Variants in RARB observed in about 807,000 individuals in gnomAD.
RARB encodes HBV-activated protein.
In RARB, 17 loss-of-function variants were observed where a neutral mutation model predicts 51.9. The ratio of observed to expected loss-of-function variants is 0.33; its 90% confidence interval spans 0.22 to 0.49. The LOEUF (loss-of-function observed/expected upper bound fraction) is 0.49, where lower values mean the gene tolerates loss of function less well. Ranked by LOEUF, RARB falls within the 20% of genes least tolerant of loss-of-function variation. The pLI, the probability that RARB is intolerant of heterozygous loss-of-function variation, is 0.99. For synonymous variants in RARB, 215 were observed against 195.4 expected (o/e 1.10, Z -0.84); for missense variants, 369 against 550.8 (o/e 0.67, Z 3.30).
At chr3:24,936,497 C>G (rs911234377) in intron 2 of RARB, among the ~76,000 whole-genome samples, 5 of 152,162 alleles carry the variant, frequency 3.3e-5, no homozygotes, top group African/African-American at 7.2e-5. Context: ...AGCTAACAAT[C>G]AACTCAAATG....
Position 25,407,969 on chromosome 3 carries a change from G to A in RARB, c.179-53224G>A, listed in dbSNP as rs919825342. Among the ~76,000 whole-genome samples the A allele has an allele frequency of 9.2e-5, 14 of 152,020 alleles. No homozygotes were observed. In the East Asian group the frequency reaches 9.7e-4, roughly 11 times the overall value. On this transcript the variant is annotated intron_variant, in intron 5 of 11. Coordinates refer to the RARB transcript ENST00000383772. Reference sequence around the variant, plus strand: ...GGATCGAACTCCAGTTGCCCACAGCGGTAACGTCTCAATAACACATCTTTT... The same window carrying A: ...GGATCGAACTCCAGTTGCCCACAGCAGTAACGTCTCAATAACACATCTTTT...
intron 4 of RARB, among the ~76,000 whole-genome samples, chr3:25,173,388 T>G (rs1372516013): frequency 6.6e-6 from 1 of 152,204 alleles, no homozygotes; most frequent in Non-Finnish European, 1.5e-5. Context: ...GAGATTTGAT[T>G]GGTGAATAGG....
chr3:25,423,317 T>C (rs1042003354), upstream of RARB, among the ~76,000 whole-genome samples: 1 of 152,254 alleles, frequency 6.6e-6, no homozygotes, highest in Non-Finnish European at 1.5e-5. Flanking sequence ...AACCTAAATG[T>C]CTTAACAGCT....
At chr3:25,515,075 G>C (rs7645775) in intron 3 of RARB, among the ~76,000 whole-genome samples, 8,937 of 152,270 alleles carry the variant, frequency 0.059, 277 homozygotes, top group Middle Eastern at 0.075. Context: ...TGGGGCTGAG[G>C]AAACTCTTGG....
intron 2 of RARB, among the ~76,000 whole-genome samples, chr3:24,924,714 T>G (rs1292500276): frequency 6.6e-6 from 1 of 152,148 alleles, no homozygotes; most frequent in African/African-American, 2.4e-5. Context: ...GTCTCAATCC[T>G]GTATTTTGGG....
In RARB at chr3:25,593,494, T is replaced by C. The variant is rs2125325332; in HGVS notation, c.787-9T>C. The stretch of plus-strand genomic sequence containing the variant: ...CTTAGAACATCCATCAATTTTTTTT[T>C]CCTTCCAGATTCTTAGAATTTGCAC... On this transcript the variant is annotated splice_polypyrimidine_tract_variant and intron_variant, in intron 5 of 7. Transcript: ENST00000330688. 2 of 1,611,546 alleles carry C rather than the reference T, an allele frequency of 1.2e-6. No individual in the cohort carries two copies. The highest frequency in any genetic ancestry group is 2.2e-5 in the East Asian group (1 of 44,862).
At chr3:25,061,408 A>G (rs531162580) in intron 3 of RARB, among the ~76,000 whole-genome samples, 36 of 151,992 alleles carry the variant, frequency 2.4e-4, no homozygotes, top group African/African-American at 8.7e-4. Context: ...TCTATTGGGT[A>G]AGTTCAGTTG....
At chr3:25,552,435 C>T (rs933534490) in intron 3 of RARB, among the ~76,000 whole-genome samples, 3 of 151,140 alleles carry the variant, frequency 2.0e-5, no homozygotes, top group African/African-American at 4.9e-5. Flanking sequence ...GCTGACTGTG[C>T]TTTGGTTGTT....
intron 4 of RARB, among the ~76,000 whole-genome samples, chr3:25,161,914 G>A (rs1020148387): frequency 2.0e-5 from 3 of 152,102 alleles, no homozygotes; most frequent in Non-Finnish European, 4.4e-5. Context: ...GAAAGAGGCT[G>A]CATGGTACCC....
intron 5 of RARB, among the ~76,000 whole-genome samples, chr3:25,175,243 G>C (rs1042830939): frequency 6.6e-6 from 1 of 152,134 alleles, no homozygotes; most frequent in African/African-American, 2.4e-5. Flanking sequence ...TTTTTAGAAA[G>C]TTCTGCCTGT....
chr3:25,475,775 A>C (rs866129433), intron 2 of RARB, among the ~76,000 whole-genome samples: 2 of 152,158 alleles, frequency 1.3e-5, no homozygotes, highest in Non-Finnish European at 2.9e-5. Context: ...CTGCAGTGCT[A>C]TTACTCCTGC....
chr3:25,098,580 G>A (rs2125320105), intron 3 of RARB, among the ~76,000 whole-genome samples: 1 of 152,276 alleles, frequency 6.6e-6, no homozygotes, highest in African/African-American at 2.4e-5. Flanking sequence ...ACTACGGCTG[G>A]TGGGTCAAGT....
intron 3 of RARB, among the ~76,000 whole-genome samples, chr3:25,536,816 A>G (rs1259477646): frequency 1.3e-5 from 2 of 152,166 alleles, no homozygotes; most frequent in South Asian, 2.1e-4. Flanking sequence ...AGGGTTCTTC[A>G]TGGGAGTTTT....
At chr3:25,559,803 T>C (rs1324038714) in intron 3 of RARB, among the ~76,000 whole-genome samples, 1 of 151,976 alleles carries the variant, frequency 6.6e-6, no homozygotes, top group Non-Finnish European at 1.5e-5. Context: ...AATGGATGGA[T>C]AGGTGGATCA....
chr3:24,884,045 C>T (rs962746794), intron 2 of RARB, among the ~76,000 whole-genome samples: 6 of 152,058 alleles, frequency 3.9e-5, no homozygotes, highest in African/African-American at 1.4e-4. Flanking sequence ...CTGACACCAA[C>T]GATTTTGTTG....
intron 5 of RARB, among the ~76,000 whole-genome samples, chr3:25,184,164 C>G (rs979635622): frequency 7.9e-5 from 12 of 150,962 alleles, no homozygotes; most frequent in Admixed American, 4.0e-4. Flanking sequence ...TTGCCCAAAT[C>G]TGAAAAAAGC....
Position 25,152,305 on chromosome 3 carries a change from C to T in RARB, c.-280+20097C>T, listed in dbSNP as rs1575184128. Among the ~76,000 whole-genome samples the T allele has an allele frequency of 2.0e-5, 3 of 149,530 alleles. No individual in the cohort carries two copies. In the East Asian group the frequency reaches 6.4e-4, roughly 32 times the overall value. ...TAGGAAAACTTGGCTAAAAATTTTA[C>T]CCTTTTCCACTGCAAACCTAGTTGA... On this transcript the variant is annotated intron_variant, in intron 4 of 11. Coordinates refer to the RARB transcript ENST00000383772.
chr3:25,509,765 C>T (rs1697795885), intron 3 of RARB, among the ~76,000 whole-genome samples: 1 of 152,178 alleles, frequency 6.6e-6, no homozygotes, highest in African/African-American at 2.4e-5. Flanking sequence ...GTGAGGCCAT[C>T]AGGGTCTTCC....
intron 2 of RARB, among the ~76,000 whole-genome samples, chr3:25,007,699 G>A (rs1171028524): frequency 1.3e-5 from 2 of 149,700 alleles, no homozygotes; most frequent in African/African-American, 4.9e-5. Context: ...TGCCTTATAA[G>A]ACTCAAGTAC....
Sources: allele counts gnomAD v4.1 joint callset (sites outside exome capture counted in the v4.1 genomes callset), GRCh38; gene constraint gnomAD v4.1.1; transcripts MANE v1.5; gene names NCBI Gene and HGNC (gene_info 2026-07-23, HGNC 2026-07-21).